The following GALNT17 variants were observed in gnomAD, a reference collection of about 807,000 sequenced individuals.
GALNT17 encodes the protein polypeptide N-acetylgalactosaminyltransferase 17, also known as UDP-GalNAc:polypeptide N-acetylgalactosaminyltransferase-like 3.
A neutral mutation model predicts 63.7 loss-of-function variants in GALNT17; 29 were observed. That is an observed-to-expected ratio of 0.46 (90% CI 0.34 to 0.62). GALNT17 has a LOEUF of 0.62. Ranked by LOEUF, GALNT17 falls within the 20% of genes least tolerant of loss-of-function variation. The pLI, the probability that GALNT17 is intolerant of heterozygous loss-of-function variation, is 0.01. For synonymous variants in GALNT17, 305 were observed against 318.3 expected, an observed-to-expected ratio of 0.96 and a Z score of 0.45; for missense variants, 603 against 799.6, an observed-to-expected ratio of 0.75 and a Z score of 2.97.
chr7:71,487,674 A>G (rs1563129887), intron 5 of GALNT17, among the ~76,000 whole-genome samples: 1 of 152,180 alleles, frequency 6.6e-6, no homozygotes, highest in Non-Finnish European at 1.5e-5. Flanking sequence ...GCTACTCAGG[A>G]GGCTGAGACG....
intron 6 of GALNT17, among the ~76,000 whole-genome samples, chr7:71,602,293 G>T (rs947428393): frequency 2.6e-5 from 4 of 152,082 alleles, no homozygotes; most frequent in African/African-American, 9.7e-5. Flanking sequence ...CCAAATGTTG[G>T]CTCTTTTTAT....
intron 1 of GALNT17, among the ~76,000 whole-genome samples, chr7:71,222,793 G>A (rs754520861): frequency 3.6e-4 from 54 of 152,110 alleles, no homozygotes; most frequent in Non-Finnish European, 6.6e-4. Context: ...GTTTCTGGCC[G>A]GGTGCAGTGG....
chr7:71,405,390 G>T (rs1354400199), intron 3 of GALNT17, among the ~76,000 whole-genome samples: 1 of 152,104 alleles, frequency 6.6e-6, no homozygotes, highest in African/African-American at 2.4e-5. Flanking sequence ...ACTTTGGGAG[G>T]CTGAGGTGGG....
chr7:71,490,012 C>T (rs1583997971), intron 5 of GALNT17, among the ~76,000 whole-genome samples: 1 of 152,110 alleles, frequency 6.6e-6, no homozygotes. Context: ...AATCCCAGCA[C>T]TTTGGGAGGC....
At chr7:71,669,470 C>G (rs1390317584) in intron 7 of GALNT17, among the ~76,000 whole-genome samples, 1 of 151,864 alleles carries the variant, frequency 6.6e-6, no homozygotes, top group East Asian at 1.9e-4. Flanking sequence ...GAGATCGTGC[C>G]ACTGCATTCC....
intron 5 of GALNT17, among the ~76,000 whole-genome samples, chr7:71,451,473 C>T (rs1444112855): frequency 1.3e-5 from 2 of 152,066 alleles, no homozygotes; most frequent in Non-Finnish European, 2.9e-5. Context: ...GTGTTTTTCT[C>T]TCCTTTAAAA....
At chr7:71,551,513 G>T (rs571283810) in intron 5 of GALNT17, among the ~76,000 whole-genome samples, 14 of 152,176 alleles carry the variant, frequency 9.2e-5, no homozygotes, top group Admixed American at 5.9e-4. Flanking sequence ...GCTTTTGATT[G>T]TCTTTGATTA....
intron 1 of GALNT17, among the ~76,000 whole-genome samples, chr7:71,259,633 TTTTTGTTTTTTTG>T (rs1790347170): frequency 7.2e-6 from 1 of 138,706 alleles, no homozygotes; most frequent in African/African-American, 2.8e-5. Context: ...CCTGTTTTGT[TTTTTGTTTTTTTG>T]TTTTTTTTTT....
At chr7:71,495,099 C>T (rs1304567267) in intron 5 of GALNT17, among the ~76,000 whole-genome samples, 1 of 152,078 alleles carries the variant, frequency 6.6e-6, no homozygotes, top group Non-Finnish European at 1.5e-5. Flanking sequence ...ATAGTGAAAC[C>T]CTGTCTCTAC....
At chr7:71,287,566 G>A (rs1314466762) in intron 1 of GALNT17, among the ~76,000 whole-genome samples, 1 of 152,094 alleles carries the variant, frequency 6.6e-6, no homozygotes, top group Non-Finnish European at 1.5e-5. Context: ...GGGGTTAGAG[G>A]CACTGACCTT....
At chr7:71,284,031 T>C (rs1194719994) in intron 1 of GALNT17, 1 of 152,294 alleles carries the variant, frequency 6.6e-6, no homozygotes, top group African/African-American at 2.4e-5. Context: ...GAATAAAAGC[T>C]GGCGGCAGGG....
chr7:71,421,580 C>A lies in GALNT17; in HGVS notation c.962+475C>A, dbSNP rs551170121. Among the ~76,000 whole-genome samples the A allele has an allele frequency of 3.1e-4, 47 of 152,158 alleles. No homozygotes were observed. In the South Asian group the frequency reaches 9.8e-3, roughly 32 times the overall value. ...TTGGGGAGCTCTTTATGGCTCTTGC[C>A]CCGGGTCCCACCCAGCTGCCTCTCG... On this transcript the variant is annotated intron_variant, in intron 5 of 10. Coordinates refer to ENST00000333538, the MANE Select transcript of GALNT17 (RefSeq NM_022479.3).
At chr7:71,596,817 C>T (rs1789893303) in intron 6 of GALNT17, among the ~76,000 whole-genome samples, 1 of 151,924 alleles carries the variant, frequency 6.6e-6, no homozygotes, top group African/African-American at 2.4e-5. Flanking sequence ...AATAAGGGAC[C>T]CTAGCAACAC....
chr7:71,462,330 T>C (rs1368599233), intron 5 of GALNT17, among the ~76,000 whole-genome samples: 1 of 152,232 alleles, frequency 6.6e-6, no homozygotes, highest in East Asian at 1.9e-4. Flanking sequence ...ACTATTGCAA[T>C]AGACGTTGAC....
At chr7:71,446,532 G>A (rs1336521234) in intron 5 of GALNT17, among the ~76,000 whole-genome samples, 1 of 152,070 alleles carries the variant, frequency 6.6e-6, no homozygotes, top group Non-Finnish European at 1.5e-5. Flanking sequence ...CTACTCTTTA[G>A]AGGTACCACT....
chr7:71,542,437 C>G (rs191032818), intron 5 of GALNT17, among the ~76,000 whole-genome samples: 1 of 151,978 alleles, frequency 6.6e-6, no homozygotes, highest in African/African-American at 2.4e-5. Context: ...TCGCTGGGCA[C>G]AGTAACCCCA....
intron 3 of GALNT17, among the ~76,000 whole-genome samples, chr7:71,397,178 G>A (rs1793153001): frequency 1.3e-5 from 2 of 151,796 alleles, no homozygotes; most frequent in African/African-American, 2.4e-5. Context: ...TTCCTACCAT[G>A]TCAAGGATGA....
intron 6 of GALNT17, among the ~76,000 whole-genome samples, chr7:71,654,278 G>A (rs1163822805): frequency 1.3e-5 from 2 of 152,178 alleles, no homozygotes; most frequent in Admixed American, 6.5e-5. Context: ...CTTGTGATCG[G>A]CAACCGAAAG....
chr7:71,148,547 C>T (rs970270114), intron 1 of GALNT17, among the ~76,000 whole-genome samples: 7 of 152,050 alleles, frequency 4.6e-5, no homozygotes, highest in African/African-American at 7.2e-5. Context: ...ATTGTGAATC[C>T]GCAGTGTCTA....
Sources: gnomAD v4.1 joint callset for allele counts (sites outside exome capture counted in the v4.1 genomes callset) on GRCh38, gnomAD v4.1.1 for gene constraint, MANE v1.5 for transcripts, NCBI Gene and HGNC (gene_info 2026-07-23, HGNC 2026-07-21) for gene names.